Variants in ZNF75D observed in about 807,000 individuals in gnomAD.
ZNF75D encodes zinc finger protein 75D, also known as zinc finger protein 75.
ZNF75D carries 33 observed loss-of-function variants against 33.3 expected under a neutral mutation model. The observed-to-expected ratio is 0.99, with a 90% confidence interval of 0.75 to 1.32. The LOEUF is 1.32. Among genes scored for constraint, ZNF75D ranks in the 40% most tolerant of loss-of-function variants. The probability of loss-of-function intolerance (pLI) is 0.00; values close to 1 mark genes in which losing one functional copy is unlikely to be tolerated. For missense variants in ZNF75D, 338 were observed against 367.5 expected (o/e 0.92, Z 0.66); for synonymous variants, 113 against 130.6 (o/e 0.87, Z 0.92).
chrX:135,300,601 G>A (rs1439357919), intron 1 of ZNF75D, among the ~76,000 whole-genome samples: 1 of 110,869 alleles, frequency 9.0e-6, no homozygotes. Context: ...CAAAAAATTA[G>A]CTGGGTGTGG....
chrX:135,291,505 C>G lies in ZNF75D; in HGVS notation c.663G>C (p.Lys221Asn). 8.3e-7 allele frequency: 1 copy of G among 1,212,018 alleles called. No individual in the cohort carries two copies. The highest frequency in any genetic ancestry group is 1.1e-6 in the Non-Finnish European group (1 of 895,431). The change falls in exon 5 of 7, where the codon AAG (lysine) becomes AAC (asparagine). Residue 221 changes from lysine to asparagine, a missense_variant. Physicochemically the swap from Lys to Asn is moderately conservative, Grantham distance 94. Coordinates refer to ENST00000370766, the MANE Select transcript of ZNF75D (RefSeq NM_007131.5). ...CAGGCAGGATGAGTTTAGATGCCATCTTCCAGTGTTTGATTCTTTTCTGCT... is the reference window on the plus strand; with the variant it reads ...CAGGCAGGATGAGTTTAGATGCCATGTTCCAGTGTTTGATTCTTTTCTGCT... ...LSEQKRIKHW[K>N]MASKLILPES...
At chrX:135,295,604 C>T (rs2084115962) in intron 2 of ZNF75D, among the ~76,000 whole-genome samples, 164 bp downstream of exon 2, 1 of 112,221 alleles carries the variant, frequency 8.9e-6, no homozygotes, top group Non-Finnish European at 1.9e-5. Context: ...GGCGACCTGC[C>T]GCCTGTCAGT....
At chrX:135,263,310 G>A (rs1419480468) in intron 1 of ZNF75D, among the ~76,000 whole-genome samples, 3 of 112,754 alleles carry the variant, frequency 2.7e-5, no homozygotes, top group Non-Finnish European at 5.6e-5. Context: ...CATTCTCAGA[G>A]CTCAAACACT....
chrX:135,263,622 C>T (rs1211270324), intron 1 of ZNF75D, among the ~76,000 whole-genome samples: 1 of 113,029 alleles, frequency 8.8e-6, no homozygotes, highest in Non-Finnish European at 1.9e-5. Flanking sequence ...ACCCGCCAAG[C>T]CAGGCACAGG....
Position 135,325,740 on chromosome X carries a change from C to A in ZNF75D, c.-391+16028G>T, listed in dbSNP as rs1009737041. Among the ~76,000 whole-genome samples, 7 of 112,698 alleles carry A rather than the reference C, an allele frequency of 6.2e-5. No individual in the cohort carries two copies. The East Asian group carries it at 2.0e-3, about 32-fold the overall frequency. On this transcript the variant is annotated intron_variant, in intron 1 of 6. Transcript: ENST00000370766. ...CCCGCCATGCCTGAGCCTCCCACCC[C>A]CTCCATGGGCTCCTGTGCGGCCTGA...
chrX:135,312,589 T>C (rs2084371997), intron 1 of ZNF75D, among the ~76,000 whole-genome samples: 1 of 111,321 alleles, frequency 9.0e-6, no homozygotes, highest in Admixed American at 9.5e-5. Context: ...TTTCATTGTG[T>C]TTGTACTAAT....
In ZNF75D at chrX:135,292,316, T is replaced by C. The variant is rs781961426; in HGVS notation, c.569A>G (p.Asn190Ser). ...TACAGGCTGGGTTTCTTTGTGAGTG[T>C]TCCAGCCCAGCTGTTCTTGTAGTAC... The part of the protein sequence containing the change: ...YRVLQEQLGW[N>S]THKETQPVYE... Residue 190 changes from asparagine (N) to serine (S), a missense_variant, in exon 4 of 7, where the codon AAC becomes AGC. Asn to Ser is a conservative substitution (Grantham distance 46). Around this residue, in one of 3 missense-constraint regions of ZNF75D, gnomAD observed 254 missense variants for 267.7 expected, o/e 0.95. Coordinates refer to ENST00000370766, the MANE Select transcript of ZNF75D (RefSeq NM_007131.5). 8.3e-7 allele frequency: 1 copy of C among 1,211,544 alleles called. No individual in the cohort carries two copies. Among genetic ancestry groups the C allele is most frequent in the East Asian group, 3.0e-5 (1 of 33,867 alleles).
chrX:135,272,842 C>T (rs1556417133), intron 1 of ZNF75D, among the ~76,000 whole-genome samples: 1 of 111,680 alleles, frequency 9.0e-6, no homozygotes. Context: ...ACTTTATTCT[C>T]TTCATTTATG....
chrX:135,282,915 C>T (rs1556418770), downstream of ZNF75D, among the ~76,000 whole-genome samples: 1 of 113,151 alleles, frequency 8.8e-6, no homozygotes, highest in African/African-American at 3.2e-5. Flanking sequence ...AAGCTGCAGA[C>T]CAGAGCTGTT....
At chrX:135,263,372 G>T (rs1030355038) in intron 1 of ZNF75D, among the ~76,000 whole-genome samples, 1 of 112,956 alleles carries the variant, frequency 8.9e-6, no homozygotes, top group South Asian at 3.6e-4. Flanking sequence ...GGATGTTTAA[G>T]TCTGCAGAAG....
intron 3 of ZNF75D, among the ~76,000 whole-genome samples, chrX:135,292,682 G>C (rs782395226): frequency 4.1e-4 from 46 of 112,281 alleles, no homozygotes; most frequent in African/African-American, 1.5e-3. Flanking sequence ...AAAAAGCTGT[G>C]ACTACTGCAG....
intron 1 of ZNF75D, among the ~76,000 whole-genome samples, chrX:135,272,511 T>C (rs782214269): frequency 9.0e-6 from 1 of 110,575 alleles, no homozygotes; most frequent in Admixed American, 9.8e-5. Flanking sequence ...CTTTCAAATA[T>C]ACAAAGCAGA....
At chrX:135,316,595 C>A (rs1336519264) in intron 1 of ZNF75D, among the ~76,000 whole-genome samples, 1 of 111,535 alleles carries the variant, frequency 9.0e-6, no homozygotes, top group Non-Finnish European at 1.9e-5. Context: ...TTTTCAAAAT[C>A]TTTTGTTCTC....
downstream of ZNF75D, among the ~76,000 whole-genome samples, chrX:135,282,356 G>A (rs781908556): frequency 1.8e-3 from 202 of 111,628 alleles, no homozygotes; most frequent in African/African-American, 4.5e-3. Flanking sequence ...AAGCTCGAGC[G>A]TACCAGGTCG....
At chrX:135,290,474 A>C (rs1272619857) in intron 6 of ZNF75D, among the ~76,000 whole-genome samples, 2 of 112,529 alleles carry the variant, frequency 1.8e-5, no homozygotes, top group Non-Finnish European at 3.8e-5. Context: ...TCTTAGGATT[A>C]CGCTAATATT....
intron 1 of ZNF75D, among the ~76,000 whole-genome samples, chrX:135,258,330 C>G (rs1466904377): frequency 9.1e-6 from 1 of 110,310 alleles, no homozygotes; most frequent in African/African-American, 3.3e-5. Context: ...ATTACTGGGT[C>G]AAATGGTAAT....
At chrX:135,315,025 G>A (rs946940798) in intron 1 of ZNF75D, among the ~76,000 whole-genome samples, 19 of 111,738 alleles carry the variant, frequency 1.7e-4, no homozygotes, top group African/African-American at 6.2e-4. Flanking sequence ...ATAGTTCCTT[G>A]AGGTGCATTG....
chrX:135,300,184 C>T (rs2084195020), intron 1 of ZNF75D, among the ~76,000 whole-genome samples: 3 of 111,804 alleles, frequency 2.7e-5, no homozygotes, highest in African/African-American at 6.5e-5. Context: ...ATGTGGTATT[C>T]GGTGTTCAAT....
At chrX:135,308,664 A>G (rs1428828928) in intron 1 of ZNF75D, among the ~76,000 whole-genome samples, 1 of 112,264 alleles carries the variant, frequency 8.9e-6, no homozygotes, top group East Asian at 2.8e-4. Flanking sequence ...TGCCAGATTC[A>G]AGTATAATAC....
Sources: allele counts gnomAD v4.1 joint callset (sites outside exome capture counted in the v4.1 genomes callset), GRCh38; gene constraint gnomAD v4.1.1; regional missense constraint gnomAD v4.1.1; transcripts MANE v1.5; gene names NCBI Gene and HGNC (gene_info 2026-07-23, HGNC 2026-07-21).